Variants in SIPA1L3 observed in about 807,000 individuals in gnomAD.
SIPA1L3 encodes signal-induced proliferation-associated 1-like protein 3.
SIPA1L3 carries 59 observed loss-of-function variants against 150.1 expected under a neutral mutation model. The ratio of observed to expected loss-of-function variants is 0.39; its 90% CI spans 0.32 to 0.49. SIPA1L3 has a LOEUF of 0.49. SIPA1L3 is among the 20% of genes least tolerant of loss of function. The pLI is 0.86. For synonymous variants in SIPA1L3, 1,070 were observed against 1,077.6 expected (o/e 0.99, Z 0.14); for missense variants, 2,211 against 2,489.5 (o/e 0.89, Z 2.38).
intron 1 of SIPA1L3, among the ~76,000 whole-genome samples, chr19:37,967,442 C>T (rs1324534902): frequency 6.6e-6 from 1 of 151,970 alleles, no homozygotes; most frequent in African/African-American, 2.4e-5. Flanking sequence ...TTAGTAGAGA[C>T]GGAGTTTCAC....
chr19:38,005,789 A>G (rs1211220767), intron 1 of SIPA1L3, among the ~76,000 whole-genome samples: 1 of 152,268 alleles, frequency 6.6e-6, no homozygotes, highest in African/African-American at 2.4e-5. Flanking sequence ...TCACTCAGCT[A>G]GGAATCCTGG....
chr19:38,071,039 A>T (rs1225574211), intron 2 of SIPA1L3, among the ~76,000 whole-genome samples: 2 of 152,160 alleles, frequency 1.3e-5, no homozygotes, highest in Non-Finnish European at 2.9e-5. Context: ...GCTATCTCCA[A>T]GCATTGCTTT....
intron 1 of SIPA1L3, among the ~76,000 whole-genome samples, chr19:37,913,928 T>C (rs1047332066): frequency 6.8e-6 from 1 of 146,992 alleles, no homozygotes; most frequent in Admixed American, 6.9e-5. Context: ...GGCAGGAGAA[T>C]CACGTGAACC....
At chr19:38,088,321 G>A (rs1008430127) in intron 3 of SIPA1L3, among the ~76,000 whole-genome samples, 10 of 152,280 alleles carry the variant, frequency 6.6e-5, no homozygotes, top group Non-Finnish European at 1.2e-4. Flanking sequence ...CTAATCCGCA[G>A]TTAAACCAAG....
At chr19:37,951,384 T>C (rs2046762450) in intron 1 of SIPA1L3, among the ~76,000 whole-genome samples, 1 of 152,222 alleles carries the variant, frequency 6.6e-6, no homozygotes, top group Non-Finnish European at 1.5e-5. Flanking sequence ...TCAACCACAG[T>C]GTCATCCTTT....
At chr19:38,011,262 C>T (rs1318769546) in intron 1 of SIPA1L3, among the ~76,000 whole-genome samples, 2 of 151,988 alleles carry the variant, frequency 1.3e-5, no homozygotes, top group Non-Finnish European at 2.9e-5. Context: ...ATCGCTTGAG[C>T]CCAGGAGTTC....
In SIPA1L3 at chr19:38,192,268, C is replaced by T. The variant is rs1425767608; in HGVS notation, c.4554C>T (p.Ile1518=). Residue 1518 remains isoleucine (I), a synonymous_variant, in exon 17 of 22, where the codon ATC becomes ATT. Coordinates refer to ENST00000222345, the MANE Select transcript of SIPA1L3 (RefSeq NM_015073.3). ...TCGAGGATGACCTGAAGAAACTCAT[C>T]ATCATGGACAACCTGGGGCCAGAGC... ...STIEDDLKKL[I]IMDNLGPEQE... is the part of the protein sequence containing the mutation. 6.2e-7 allele frequency: 1 copy of T among 1,613,048 alleles called. No individual in the cohort carries two copies. Among genetic ancestry groups the T allele is most frequent in the Non-Finnish European group, 8.5e-7 (1 of 1,179,592 alleles).
chr19:38,047,464 T>C lies in SIPA1L3; in HGVS notation c.-311+18308T>C, dbSNP rs1330554365. On this transcript the variant is annotated intron_variant, in intron 2 of 21. Coordinates refer to ENST00000222345, the MANE Select transcript of SIPA1L3 (RefSeq NM_015073.3). The surrounding 1 kb of genome is among the most constrained non-coding windows in gnomAD (Gnocchi z 4.7). ...ACAGGACCTGGCCCGAAAGAGCTGC[T>C]CAGTAAATATTTGTTGAATGAATGA... Among the ~76,000 whole-genome samples the C allele has an allele frequency of 6.6e-6, 1 of 152,094 alleles. No individual in the cohort carries two copies. Among genetic ancestry groups the C allele is most frequent in the African/African-American group, 2.4e-5 (1 of 41,396 alleles).
In SIPA1L3 at chr19:38,046,499, C is replaced by A. The variant is rs1969060405; in HGVS notation, c.-311+17343C>A. On this transcript the variant is annotated intron_variant, in intron 2 of 21. Transcript: ENST00000222345. This position sits in a 1 kb window ranked among gnomAD's most constrained non-coding sequence, Gnocchi z 5.6. ...TCTCGGTTCCCTGTTCTGGGCCCTG[C>A]CCTGGAAAGAGGCAGGGTGGCCGGG... Among the ~76,000 whole-genome samples, 1 of 152,164 alleles carries A rather than the reference C, an allele frequency of 6.6e-6. No individual in the cohort carries two copies. The highest frequency in any genetic ancestry group is 2.4e-5 in the African/African-American group (1 of 41,430).
intron 1 of SIPA1L3, among the ~76,000 whole-genome samples, chr19:37,934,392 G>A (rs1409634234): frequency 6.6e-6 from 1 of 152,194 alleles, no homozygotes; most frequent in African/African-American, 2.4e-5. Context: ...GCGGGAGTTT[G>A]GGGTTGAGTT....
chr19:38,030,156 T>C (rs1451355723), intron 2 of SIPA1L3, among the ~76,000 whole-genome samples: 2 of 151,832 alleles, frequency 1.3e-5, no homozygotes, highest in African/African-American at 4.8e-5. Context: ...ACCTGGCCGG[T>C]ATACAGTTCT....
chr19:38,097,028 A>C (rs1478011142), intron 4 of SIPA1L3, among the ~76,000 whole-genome samples: 1 of 152,228 alleles, frequency 6.6e-6, no homozygotes, highest in Non-Finnish European at 1.5e-5. Flanking sequence ...TGTAGCATTC[A>C]GAGAAAGAAG....
intron 1 of SIPA1L3, among the ~76,000 whole-genome samples, chr19:38,024,426 G>A (rs1361500486): frequency 1.3e-5 from 2 of 152,082 alleles, no homozygotes; most frequent in East Asian, 3.9e-4. Context: ...AGATGAGGGT[G>A]TGGGGCCTGG....
chr19:38,068,611 G>T (rs1969649682), intron 2 of SIPA1L3, among the ~76,000 whole-genome samples: 1 of 152,138 alleles, frequency 6.6e-6, no homozygotes, highest in African/African-American at 2.4e-5. Flanking sequence ...TGTAACCCCA[G>T]CATTTTGGGA....
intron 2 of SIPA1L3, among the ~76,000 whole-genome samples, chr19:38,036,823 C>T (rs1377547360): frequency 6.6e-6 from 1 of 152,114 alleles, no homozygotes; most frequent in Non-Finnish European, 1.5e-5. Flanking sequence ...GCTCCCCCCA[C>T]TCGCCCCATC....
chr19:38,145,448 G>A (rs929810232), intron 12 of SIPA1L3, among the ~76,000 whole-genome samples: 2 of 149,910 alleles, frequency 1.3e-5, no homozygotes, highest in Non-Finnish European at 1.5e-5. Context: ...CGAGAGAATC[G>A]TTTGAACCTG....
chr19:38,039,244 A>G (rs968025451), intron 2 of SIPA1L3, among the ~76,000 whole-genome samples: 1 of 152,174 alleles, frequency 6.6e-6, no homozygotes, highest in Non-Finnish European at 1.5e-5. Context: ...CAAAGGACCC[A>G]TAATGCCCCA....
At chr19:38,166,435 G>A (rs180811269) in intron 15 of SIPA1L3, among the ~76,000 whole-genome samples, 4 of 148,794 alleles carry the variant, frequency 2.7e-5, no homozygotes, top group African/African-American at 9.9e-5. Flanking sequence ...CCACCCAGGC[G>A]ACAGAGCAAG....
At chr19:38,030,603 T>A (rs1374690782) in intron 2 of SIPA1L3, among the ~76,000 whole-genome samples, 1 of 138,382 alleles carries the variant, frequency 7.2e-6, no homozygotes, top group Non-Finnish European at 1.5e-5. Context: ...TACACATATT[T>A]TATATATATA....
Sources: gnomAD v4.1 joint callset for allele counts (sites outside exome capture counted in the v4.1 genomes callset) on GRCh38, gnomAD v4.1.1 for gene constraint, Gnocchi (gnomAD v3.1) non-coding constraint, MANE v1.5 for transcripts, NCBI Gene and HGNC (gene_info 2026-07-23, HGNC 2026-07-21) for gene names.